Variants in FUBP3 observed in about 807,000 individuals in gnomAD.
FUBP3 encodes the protein far upstream element-binding protein 3.
In FUBP3, 28 loss-of-function variants were observed where a neutral mutation model predicts 85.6. The ratio of observed to expected loss-of-function variants is 0.33; its 90% CI spans 0.24 to 0.45. The LOEUF is 0.45. Ranked by LOEUF, FUBP3 falls within the 20% of genes least tolerant of loss-of-function variation. The probability of loss-of-function intolerance (pLI) is 1.00; values close to 1 mark genes in which losing one functional copy is unlikely to be tolerated. For synonymous variants in FUBP3, 271 were observed against 271.4 expected, an observed-to-expected ratio of 1.00 and a Z score of 0.01; for missense variants, 583 against 755.1, an observed-to-expected ratio of 0.77 and a Z score of 2.67.
chr9:130,606,217 G>A (rs768792297), intron 2 of FUBP3, among the ~76,000 whole-genome samples: 2 of 152,086 alleles, frequency 1.3e-5, no homozygotes, highest in Non-Finnish European at 2.9e-5. Flanking sequence ...AATCCTCACC[G>A]CTAAGTGTGT....
chr9:130,622,249 T>A (rs2119097636), intron 9 of FUBP3, among the ~76,000 whole-genome samples: 1 of 146,386 alleles, frequency 6.8e-6, no homozygotes, highest in African/African-American at 2.6e-5. Flanking sequence ...TGCTTGAACC[T>A]CAGGGGTGGA....
At chr9:130,606,775 A>G (rs1001152361) in intron 2 of FUBP3, among the ~76,000 whole-genome samples, 7 of 151,934 alleles carry the variant, frequency 4.6e-5, no homozygotes, top group African/African-American at 7.3e-5. Flanking sequence ...AGCCGAGATC[A>G]CGCCTTTGCA....
chr9:130,620,695 T>C (rs1243541754), intron 9 of FUBP3, among the ~76,000 whole-genome samples: 2 of 152,160 alleles, frequency 1.3e-5, no homozygotes, highest in Non-Finnish European at 2.9e-5. Context: ...AGCTTTGCTT[T>C]AGAGGTTAAC....
At chr9:130,591,172 C>T (rs1335185941) in intron 1 of FUBP3, among the ~76,000 whole-genome samples, 2 of 152,124 alleles carry the variant, frequency 1.3e-5, no homozygotes, top group Non-Finnish European at 2.9e-5. Context: ...AGGCCGGGCA[C>T]GGTGGCTCAC....
At chr9:130,610,069 AG>A (rs1328079809) in intron 3 of FUBP3, 82 bp downstream of exon 3, 2 of 1,125,654 alleles carry the variant, frequency 1.8e-6, no homozygotes, top group Non-Finnish European at 2.7e-6. Context: ...AGTGCTAGAA[AG>A]TCAGAGGTTG....
rs915141673 is a variant in FUBP3 at position 130,579,607 on chromosome 9, G to A, written c.-74G>A. On this transcript the variant is annotated 5_prime_UTR_variant, in exon 1 of 19. Transcript: ENST00000319725. ...CCGGCTACGGGTCCCCAAGCGGAGC[G>A]GGAGGCCGGACCGGGGAGCCGAGCG... is the stretch of plus-strand genomic sequence containing the variant. The A allele has an allele frequency of 4.3e-6, 4 of 940,164 alleles. No homozygotes were observed. The highest frequency in any genetic ancestry group is 1.7e-5 in the African/African-American group (1 of 58,378). The allele number at this position is 940,164 out of a possible 1,614,324, so 58.2% of individuals were successfully genotyped here.
chr9:130,631,772 A>G (rs1588167062), intron 14 of FUBP3, 142 bp downstream of exon 14: 2 of 828,328 alleles, frequency 2.4e-6, no homozygotes, highest in East Asian at 2.6e-5. Flanking sequence ...TCCTCTCACC[A>G]GCGGTCCCTC....
rs1030017023 is a variant in FUBP3 at position 130,630,738 on chromosome 9, G to T, written c.1228G>T (p.Val410Phe). The change falls in exon 13 of 19, where the codon GTT becomes TTT. Residue 410 changes from valine to phenylalanine, a missense_variant. By Grantham distance (50) the Val-to-Phe change is conservative. Coordinates refer to ENST00000319725, the MANE Select transcript of FUBP3 (RefSeq NM_003934.2). ...PNLRRFTIRG[V>F]PQQIEVARQL... ...CCTGCGGAGATTCACCATCAGGGGG[G>T]TTCCCCAGCAGATCGAGGTGGCCAG... 14 of 1,568,254 alleles carry T rather than the reference G, an allele frequency of 8.9e-6. No homozygotes were observed. The highest frequency in any genetic ancestry group is 5.5e-5 in the African/African-American group (4 of 72,134).
In FUBP3 at chr9:130,637,582, G is replaced by A. The variant is rs1830460480; in HGVS notation, c.*560G>A. The A allele has an allele frequency of 6.5e-6, 1 of 153,944 alleles. No homozygotes were observed. Among genetic ancestry groups the A allele is most frequent in the African/African-American group, 2.4e-5 (1 of 41,418 alleles). 9.5% of individuals were successfully genotyped at this position (153,944 alleles called of 1,614,324 possible). On this transcript the variant is annotated 3_prime_UTR_variant, in exon 19 of 19. Coordinates refer to ENST00000319725, the MANE Select transcript of FUBP3 (RefSeq NM_003934.2). ...TAATGAATGATGTGAATTCTGAACTGAGACAGATAATTGTATTGCTGTCCA... is the reference window on the plus strand; with the variant it reads ...TAATGAATGATGTGAATTCTGAACTAAGACAGATAATTGTATTGCTGTCCA...
intron 12 of FUBP3, among the ~76,000 whole-genome samples, chr9:130,628,100 ACG>A (rs1366237443): frequency 1.5e-4 from 15 of 98,250 alleles, no homozygotes; most frequent in African/African-American, 3.7e-4. Context: ...GCACGCACGC[ACG>A]CGCACACACA....
intron 1 of FUBP3, among the ~76,000 whole-genome samples, chr9:130,582,990 C>T (rs1830197637): frequency 6.6e-6 from 1 of 152,208 alleles, no homozygotes; most frequent in African/African-American, 2.4e-5. Context: ...GATAGACCCA[C>T]TCAATGCCTC....
At chr9:130,633,383 G>A (rs1037205911) in intron 16 of FUBP3, among the ~76,000 whole-genome samples, 9 of 152,196 alleles carry the variant, frequency 5.9e-5, no homozygotes, top group East Asian at 1.9e-4. Context: ...TCCTTTCCTC[G>A]GCTCCTCACC....
At chr9:130,584,188 G>A (rs1434599058) in intron 1 of FUBP3, among the ~76,000 whole-genome samples, 2 of 152,190 alleles carry the variant, frequency 1.3e-5, no homozygotes, top group Admixed American at 6.5e-5. Flanking sequence ...CTATGGGCCT[G>A]CAGGCATGCT....
rs771099566 is a variant in FUBP3, at chr9:130,620,307, T to G, written c.667-47T>G. 8.4e-6 allele frequency: 10 copies of G among 1,192,576 alleles called. No individual in the cohort carries two copies. The South Asian group carries it at 1.3e-4, about 15-fold the overall frequency. The allele number at this position is 1,192,576 out of a possible 1,614,324, so 73.9% of individuals were successfully genotyped here. ...GAAATTTCACCTGGTGATGTATCTTTTTTCAGGAATTTTTTCTCATAATGC... is the reference window on the plus strand; with the variant it reads ...GAAATTTCACCTGGTGATGTATCTTGTTTCAGGAATTTTTTCTCATAATGC... On this transcript the variant is annotated intron_variant, in intron 8 of 18. Transcript: ENST00000319725.
At chr9:130,589,673 G>GTATATATATA (rs1291689029) in intron 1 of FUBP3, among the ~76,000 whole-genome samples, 29 of 28,324 alleles carry the variant, frequency 1.0e-3, no homozygotes, top group East Asian at 4.3e-3. Context: ...ATGTATGTGT[G>GTATATATATA]TGTATATATA....
In FUBP3 at chr9:130,606,547, G is replaced by A. The variant is rs188451411; in HGVS notation, c.191-3407G>A. On this transcript the variant is annotated intron_variant, in intron 2 of 18. Transcript: ENST00000319725. ...ACTATTAAAGCTGATGTGGCCGGGC[G>A]CGGTGGCTCACGCCTGTAATCCCAG... 2.5e-3 allele frequency among the ~76,000 whole-genome samples: 376 copies of A among 152,130 alleles called. 1 individual carries two copies. The highest frequency in any genetic ancestry group is 2.9e-3 in the African/African-American group (121 of 41,446).
At chr9:130,630,895 T>C in intron 13 of FUBP3, 107 bp downstream of exon 13, 1 of 880,632 alleles carries the variant, frequency 1.1e-6, no homozygotes, top group South Asian at 2.6e-5. Flanking sequence ...GCCTGTGGGT[T>C]CTCACATCAC....
chr9:130,594,245 G>A (rs148501704), intron 1 of FUBP3, among the ~76,000 whole-genome samples: 173 of 152,138 alleles, frequency 1.1e-3, no homozygotes, highest in African/African-American at 3.9e-3. Context: ...TCAGGAGTTC[G>A]AGACCAGCCT....
intron 2 of FUBP3, among the ~76,000 whole-genome samples, chr9:130,601,603 A>G (rs982640014): frequency 4.0e-5 from 6 of 151,860 alleles, no homozygotes; most frequent in Non-Finnish European, 8.8e-5. Flanking sequence ...CTATTTATGT[A>G]GCACCTTTTT....
Sources: allele counts gnomAD v4.1 joint callset (sites outside exome capture counted in the v4.1 genomes callset), GRCh38; gene constraint gnomAD v4.1.1; transcripts MANE v1.5; gene names NCBI Gene and HGNC (gene_info 2026-07-23, HGNC 2026-07-21).